Variants in LRRC9 observed in about 807,000 individuals in gnomAD.
LRRC9 encodes the protein leucine-rich repeat-containing protein 9.
A neutral mutation model predicts 63.2 loss-of-function variants in LRRC9; 122 were observed. The ratio of observed to expected loss-of-function variants is 1.93; its 90% CI spans 1.67 to 2.24. LRRC9 has a LOEUF of 2.24. Ranked by LOEUF, LRRC9 falls within the 30% of genes most tolerant of loss-of-function variation. The pLI, the probability that LRRC9 is intolerant of heterozygous loss-of-function variation, is 0.00. For synonymous variants in LRRC9, 366 were observed against 213.1 expected, an observed-to-expected ratio of 1.72 and a Z score of -6.25; for missense variants, 1,071 against 627.7, an observed-to-expected ratio of 1.71 and a Z score of -7.55.
chr14:59,950,194 A>G (rs1459946194), intron 8 of LRRC9, among the ~76,000 whole-genome samples: 1 of 6,522 alleles, frequency 1.5e-4, no homozygotes. Flanking sequence ...TATTGGGTGC[A>G]TATATATTTA....
intron 29 of LRRC9, among the ~76,000 whole-genome samples, chr14:60,044,583 T>C (rs959271923): frequency 6.6e-6 from 1 of 152,224 alleles, no homozygotes; most frequent in Non-Finnish European, 1.5e-5. Context: ...AATTTCCATA[T>C]GCTTGTGTAT....
intron 26 of LRRC9, among the ~76,000 whole-genome samples, chr14:60,021,939 T>C (rs550915459): frequency 6.6e-6 from 1 of 152,044 alleles, no homozygotes; most frequent in East Asian, 1.9e-4. Context: ...ACTTTGTTCT[T>C]TTAAAAGATT....
chr14:60,014,860 C>T (rs1283388741), intron 23 of LRRC9, among the ~76,000 whole-genome samples: 1 of 152,022 alleles, frequency 6.6e-6, no homozygotes, highest in African/African-American at 2.4e-5. Context: ...TTCAGCCCCA[C>T]ATTATTTCTC....
Position 59,939,065 on chromosome 14 carries a change from GTATATACACA to G in LRRC9, c.726+512_726+521del, listed in dbSNP as rs931915016. Among the ~76,000 whole-genome samples, 35 of 135,918 alleles carry G rather than the reference GTATATACACA, an allele frequency of 2.6e-4. No homozygotes were observed. The East Asian group carries it at 3.3e-3, about 13-fold the overall frequency. The allele number at this position is 135,918 out of a possible 152,430, so 89.2% of individuals were successfully genotyped here. A position where few individuals can be genotyped will look rare whatever the true frequency, so the allele number is the denominator to read the frequency against. On this transcript the variant is annotated intron_variant, in intron 7 of 31. Transcript: ENST00000445360. The stretch of plus-strand genomic sequence containing the variant: ...TATACATATATACACATATATATAC[GTATATACACA>G]TATATACACATATATACATATATAT...
At position 60,051,741 on chromosome 14, in the gene LRRC9, T is replaced by G. The variant is rs1377377259; in HGVS notation, c.3991-1324T>G. On this transcript the variant is annotated intron_variant, in intron 29 of 31. Transcript: ENST00000445360. The surrounding 1 kb of genome is among the most constrained non-coding windows in gnomAD (Gnocchi z 4.7). ...CCGGCGCTGGAGTATATAAAACTTC[T>G]GGGTCTCTGTGCCTGAGCAGCTACT... 1.3e-5 allele frequency among the ~76,000 whole-genome samples: 2 copies of G among 152,224 alleles called. No homozygotes were observed. Among genetic ancestry groups the G allele is most frequent in the Non-Finnish European group, 2.9e-5 (2 of 68,038 alleles).
At chr14:60,039,341 C>A (rs989992266) in intron 29 of LRRC9, among the ~76,000 whole-genome samples, 1 of 152,154 alleles carries the variant, frequency 6.6e-6, no homozygotes, top group Admixed American at 6.5e-5. Flanking sequence ...AGGAATGGTA[C>A]CAGCTCCTCT....
chr14:59,996,523 T>G (rs1437703456), intron 17 of LRRC9, among the ~76,000 whole-genome samples: 2 of 152,084 alleles, frequency 1.3e-5, no homozygotes, highest in East Asian at 3.8e-4. Context: ...TCTTAGAGAT[T>G]TTTTACAAAC....
intron 1 of LRRC9, among the ~76,000 whole-genome samples, chr14:59,925,892 G>A (rs1161258204): frequency 1.3e-5 from 2 of 152,150 alleles, no homozygotes; most frequent in East Asian, 3.9e-4. Flanking sequence ...AGACTAGGTG[G>A]ACATAATTGA....
chr14:59,957,881 C>A (rs1042022615), intron 8 of LRRC9, among the ~76,000 whole-genome samples: 1 of 152,128 alleles, frequency 6.6e-6, no homozygotes, highest in Admixed American at 6.5e-5. Context: ...TTCTAACAGG[C>A]CCCTCTTCTG....
intron 12 of LRRC9, among the ~76,000 whole-genome samples, chr14:59,969,887 T>C (rs1301097182): frequency 1.3e-5 from 2 of 152,192 alleles, no homozygotes; most frequent in Non-Finnish European, 2.9e-5. Flanking sequence ...TATCTCTTCC[T>C]CTCTGCTCTG....
At chr14:59,997,279 G>T (rs2140184506) in intron 17 of LRRC9, among the ~76,000 whole-genome samples, 1 of 152,120 alleles carries the variant, frequency 6.6e-6, no homozygotes, top group South Asian at 2.1e-4. Context: ...TTCTAACTCT[G>T]AAGATGAACC....
At chr14:59,949,688 G>A (rs950320764) in intron 8 of LRRC9, among the ~76,000 whole-genome samples, 19 of 151,148 alleles carry the variant, frequency 1.3e-4, no homozygotes, top group Admixed American at 3.3e-4. Context: ...AGAGATTCTG[G>A]TATGTTGTGT....
At chr14:60,019,367 C>T (rs1890939378) in intron 26 of LRRC9, 107 bp downstream of exon 26, 4 of 473,636 alleles carry the variant, frequency 8.4e-6, no homozygotes, top group South Asian at 4.0e-5. Flanking sequence ...TAAAATTTAG[C>T]TTATTGTAAT....
chr14:59,978,936 G>T (rs543030734), intron 15 of LRRC9, among the ~76,000 whole-genome samples: 2 of 152,130 alleles, frequency 1.3e-5, no homozygotes, highest in Non-Finnish European at 2.9e-5. Flanking sequence ...AACACAAGAT[G>T]TTATCAGTCT....
chr14:59,926,366 T>C (rs1889209165), intron 1 of LRRC9, among the ~76,000 whole-genome samples: 1 of 152,198 alleles, frequency 6.6e-6, no homozygotes, highest in African/African-American at 2.4e-5. Flanking sequence ...ATCATCATCT[T>C]TTTTCTTAAC....
chr14:60,040,159 T>A (rs1271097670), intron 29 of LRRC9, among the ~76,000 whole-genome samples: 1 of 151,974 alleles, frequency 6.6e-6, no homozygotes, highest in Non-Finnish European at 1.5e-5. Flanking sequence ...TTATATTTGC[T>A]GAGGAGTGCT....
intron 19 of LRRC9, among the ~76,000 whole-genome samples, chr14:60,000,548 T>A (rs1361128474): frequency 1.3e-5 from 2 of 152,108 alleles, no homozygotes; most frequent in Non-Finnish European, 1.5e-5. Context: ...TGGAACAGAA[T>A]AACAACCTAA....
At chr14:59,995,607 T>C (rs968896231) in intron 17 of LRRC9, among the ~76,000 whole-genome samples, 12 of 152,156 alleles carry the variant, frequency 7.9e-5, no homozygotes, top group African/African-American at 2.7e-4. Flanking sequence ...CAAAATGCTA[T>C]TGCAAAACTG....
intron 19 of LRRC9, among the ~76,000 whole-genome samples, chr14:60,000,839 C>A (rs147196884): frequency 4.0e-5 from 6 of 151,836 alleles, no homozygotes; most frequent in African/African-American, 1.2e-4. Context: ...AAGAAATTTG[C>A]GACACAACTG....
Sources: allele counts gnomAD v4.1 joint callset (sites outside exome capture counted in the v4.1 genomes callset), GRCh38; gene constraint gnomAD v4.1.1; non-coding constraint Gnocchi (gnomAD v3.1); transcripts MANE v1.5; gene names NCBI Gene and HGNC (gene_info 2026-07-23, HGNC 2026-07-21).